Variants in RAB20 observed in about 807,000 individuals in gnomAD.
The protein encoded by RAB20 is RAB20, member RAS oncogene family.
RAB20 carries 2 observed loss-of-function variants against 3.7 expected under a neutral mutation model. The ratio of observed to expected loss-of-function variants is 0.54; its 90% CI spans 0.22 to 1.69. The LOEUF (loss-of-function observed/expected upper bound fraction) is 1.69, where lower values mean the gene tolerates loss of function less well. Ranked by LOEUF, RAB20 falls within the 40% of genes most tolerant of loss-of-function variation. RAB20 has a pLI of 0.19. For synonymous variants in RAB20, 126 were observed against 130.8 expected (o/e 0.96, Z 0.25); for missense variants, 276 against 311.9 (o/e 0.88, Z 0.87).
chr13:110,530,834 C>A (rs1884526057), intron 1 of RAB20, among the ~76,000 whole-genome samples: 1 of 152,230 alleles, frequency 6.6e-6, no homozygotes, highest in African/African-American at 2.4e-5. Flanking sequence ...GGAGGCAGGT[C>A]CCACCAGGTT....
intron 1 of RAB20, among the ~76,000 whole-genome samples, chr13:110,537,086 A>G (rs890164034): frequency 1.2e-4 from 18 of 151,524 alleles, no homozygotes; most frequent in African/African-American, 4.4e-4. Context: ...GGTTCAAACA[A>G]TCCTCTGCCT....
chr13:110,546,097 A>AT, intron 1 of RAB20, among the ~76,000 whole-genome samples: 1 of 152,064 alleles, frequency 6.6e-6, no homozygotes, highest in Middle Eastern at 3.4e-3. Context: ...TAGGCACCAA[A>AT]AAAAAAGCCT....
chr13:110,532,300 C>T (rs1884554774), intron 1 of RAB20, among the ~76,000 whole-genome samples: 1 of 152,208 alleles, frequency 6.6e-6, no homozygotes, highest in Non-Finnish European at 1.5e-5. Context: ...AATTAGAAAG[C>T]TTGGTATTTC....
chr13:110,536,567 G>A (rs1884642132), intron 1 of RAB20, among the ~76,000 whole-genome samples: 1 of 152,150 alleles, frequency 6.6e-6, no homozygotes, highest in African/African-American at 2.4e-5. Context: ...AAGTCAGTGA[G>A]GATGGGCCGG....
At position 110,524,125 on chromosome 13, in the gene RAB20, A is replaced by C; in HGVS notation, c.245T>G (p.Val82Gly). Residue 82 changes from valine (V) to glycine (G), a missense_variant, in exon 2 of 2, where the codon GTG becomes GGG. Physicochemically the swap from Val to Gly is moderately radical, Grantham distance 109. Coordinates refer to ENST00000267328, the MANE Select transcript of RAB20 (RefSeq NM_017817.3). ...GAAAIILTYDVNHRQSLVELE... is the reference protein window; with the variant it reads ...GAAAIILTYDGNHRQSLVELE... ...CTCCACCAGGCTCTGCCGGTGATTC[A>C]CATCATAGGTGAGGATGATGGCGGC... 3.1e-6 allele frequency: 5 copies of C among 1,611,780 alleles called. No homozygotes were observed. Among genetic ancestry groups the C allele is most frequent in the Non-Finnish European group, 4.2e-6 (5 of 1,179,992 alleles).
At chr13:110,550,408 G>A (rs1023103688) in intron 1 of RAB20, among the ~76,000 whole-genome samples, 4 of 152,170 alleles carry the variant, frequency 2.6e-5, no homozygotes, top group Non-Finnish European at 4.4e-5. Context: ...ACCTGAAGCC[G>A]GTGGATCAGA....
chr13:110,548,002 G>A (rs995291510), intron 1 of RAB20, among the ~76,000 whole-genome samples: 2 of 152,146 alleles, frequency 1.3e-5, no homozygotes, highest in Non-Finnish European at 2.9e-5. Context: ...CTATAACTGT[G>A]AAGCTACCAC....
At chr13:110,537,938 A>G (rs1311787282) in intron 1 of RAB20, among the ~76,000 whole-genome samples, 1 of 152,092 alleles carries the variant, frequency 6.6e-6, no homozygotes, top group Non-Finnish European at 1.5e-5. Flanking sequence ...ACCATGCTAC[A>G]CTATCAGCTT....
intron 1 of RAB20, among the ~76,000 whole-genome samples, chr13:110,546,385 A>G (rs1163137003): frequency 6.6e-6 from 1 of 152,218 alleles, no homozygotes. Flanking sequence ...GCTGATCCCA[A>G]ATACAGCTGT....
At chr13:110,532,342 T>C (rs1364278142) in intron 1 of RAB20, among the ~76,000 whole-genome samples, 1 of 152,198 alleles carries the variant, frequency 6.6e-6, no homozygotes, top group African/African-American at 2.4e-5. Flanking sequence ...TACCAGGAAA[T>C]GCAAACACTG....
At chr13:110,526,545 C>T (rs911112331) in intron 1 of RAB20, among the ~76,000 whole-genome samples, 12 of 152,168 alleles carry the variant, frequency 7.9e-5, no homozygotes, top group Non-Finnish European at 1.5e-4. Flanking sequence ...TGGACAGTGT[C>T]GACCACTAGC....
intron 1 of RAB20, among the ~76,000 whole-genome samples, chr13:110,545,467 C>A (rs1447501748): frequency 6.6e-6 from 1 of 152,184 alleles, no homozygotes; most frequent in East Asian, 1.9e-4. Context: ...TCGGTCTCCC[C>A]AACTGGACTG....
chr13:110,557,451 C>T lies in RAB20; in HGVS notation c.172+3897G>A, dbSNP rs76400713. On this transcript the variant is annotated intron_variant, in intron 1 of 1. Transcript: ENST00000267328. ...GGCTCACACTAGGAGGCCCACCATCCGGAACGCCTGTGCTGGAGAGGAGGC... is the reference window on the plus strand; with the variant it reads ...GGCTCACACTAGGAGGCCCACCATCTGGAACGCCTGTGCTGGAGAGGAGGC... 7.9e-5 allele frequency among the ~76,000 whole-genome samples: 12 copies of T among 152,320 alleles called. No homozygotes were observed. The East Asian group carries it at 1.5e-3, about 20-fold the overall frequency.
rs1318274107 is a variant in RAB20, at chr13:110,557,685, T to TGGATGCC, written c.172+3656_172+3662dup. 2.6e-5 allele frequency among the ~76,000 whole-genome samples: 4 copies of TGGATGCC among 152,348 alleles called. No individual in the cohort carries two copies. The East Asian group carries it at 7.7e-4, about 29-fold the overall frequency. On this transcript the variant is annotated intron_variant, in intron 1 of 1. Coordinates refer to ENST00000267328, the MANE Select transcript of RAB20 (RefSeq NM_017817.3). ...CAGTCCCCAGAGACGCAGCTGGAGC[T>TGGATGCC]GGATGCCGGCACAGGGAAGTGGCGC...
At chr13:110,530,215 AC>A (rs1297554160) in intron 1 of RAB20, among the ~76,000 whole-genome samples, 7,162 of 61,668 alleles carry the variant, frequency 0.12, 284 homozygotes, top group African/African-American at 0.25. Flanking sequence ...GGCAGGTCCC[AC>A]CCGCCCCACC....
At chr13:110,547,598 C>T (rs1884876226) in intron 1 of RAB20, among the ~76,000 whole-genome samples, 1 of 152,174 alleles carries the variant, frequency 6.6e-6, no homozygotes, top group African/African-American at 2.4e-5. Context: ...ACACAGCAGG[C>T]TGGTGAGATT....
chr13:110,545,443 C>T (rs1307304498), intron 1 of RAB20, among the ~76,000 whole-genome samples: 1 of 152,226 alleles, frequency 6.6e-6, no homozygotes, highest in Non-Finnish European at 1.5e-5. Context: ...ATTGTGAATG[C>T]TCTTTGTCTG....
At chr13:110,550,925 T>C (rs912941) in intron 1 of RAB20, among the ~76,000 whole-genome samples, 137,348 of 152,100 alleles carry the variant, frequency 0.9, 62,225 homozygotes, top group South Asian at 0.96. Flanking sequence ...ATAATTAATG[T>C]CCCAGACCCA....
At chr13:110,537,798 G>A (rs1884674901) in intron 1 of RAB20, among the ~76,000 whole-genome samples, 1 of 152,070 alleles carries the variant, frequency 6.6e-6, no homozygotes, top group Admixed American at 6.5e-5. Context: ...GGGGCTCAGT[G>A]CATCACCCCC....
Sources: gnomAD v4.1 joint callset for allele counts (sites outside exome capture counted in the v4.1 genomes callset) on GRCh38, gnomAD v4.1.1 for gene constraint, MANE v1.5 for transcripts, NCBI Gene and HGNC (gene_info 2026-07-23, HGNC 2026-07-21) for gene names.